Variants in POFUT3 observed in about 807,000 individuals in gnomAD.
The protein encoded by POFUT3 is protein O-fucosyltransferase 3.
the POFUT3 span, among the ~76,000 whole-genome samples, chr8:33,322,463 TG>T: frequency 1.6e-4 from 25 of 152,226 alleles, 1 homozygote; most frequent in African/African-American, 5.8e-4. Flanking sequence ...CTGCTGCTGC[TG>T]CTACAGGGAA....
At chr8:33,469,092 G>A in the POFUT3 span, among the ~76,000 whole-genome samples, 1 of 152,264 alleles carries the variant, frequency 6.6e-6, no homozygotes, top group East Asian at 1.9e-4. Flanking sequence ...GATTTCTTGA[G>A]GCCAGGAGTT....
chr8:33,436,549 G>T, the POFUT3 span: 1 of 960,496 alleles, frequency 1.0e-6, no homozygotes, highest in Non-Finnish European at 1.7e-6. Context: ...GTTGCGTATG[G>T]CATCTTCCTC....
chr8:33,324,009 T>G, the POFUT3 span, among the ~76,000 whole-genome samples: 2 of 152,172 alleles, frequency 1.3e-5, no homozygotes, highest in African/African-American at 4.8e-5. Context: ...GAATCAGGGC[T>G]GGGTGGTGGG....
chr8:33,449,939 T>TC, the POFUT3 span, among the ~76,000 whole-genome samples: 11 of 146,030 alleles, frequency 7.5e-5, no homozygotes, highest in East Asian at 2.0e-4. Context: ...GCTTTTCTTT[T>TC]TTTTTTTTTT....
chr8:33,461,715 TC>T, the POFUT3 span: 1 of 1,349,392 alleles, frequency 7.4e-7, no homozygotes, highest in Non-Finnish European at 9.7e-7. Context: ...TAAGAAGGAA[TC>T]AAAAAAATTC....
chr8:33,410,735 G>A, the POFUT3 span, among the ~76,000 whole-genome samples: 15 of 152,186 alleles, frequency 9.9e-5, no homozygotes, highest in Admixed American at 6.5e-4. Flanking sequence ...ATTATTTCCC[G>A]GTTGGGAAAT....
the POFUT3 span, among the ~76,000 whole-genome samples, chr8:33,362,468 G>A: frequency 1.3e-5 from 2 of 152,072 alleles, no homozygotes; most frequent in African/African-American, 2.4e-5. Context: ...AAAAGACACA[G>A]ACTGGCAAAT....
At chr8:33,455,039 T>C in the POFUT3 span, among the ~76,000 whole-genome samples, 1 of 152,114 alleles carries the variant, frequency 6.6e-6, no homozygotes, top group Non-Finnish European at 1.5e-5. Flanking sequence ...CTAGGGAAAA[T>C]GAGTTATAAA....
the POFUT3 span, among the ~76,000 whole-genome samples, chr8:33,415,384 G>A: frequency 6.6e-6 from 1 of 152,202 alleles, no homozygotes; most frequent in Non-Finnish European, 1.5e-5. Context: ...ACCCAGTGGA[G>A]AAGCTGCTTT....
At chr8:33,444,613 T>C in the POFUT3 span, among the ~76,000 whole-genome samples, 7 of 151,734 alleles carry the variant, frequency 4.6e-5, no homozygotes, top group Non-Finnish European at 1.0e-4. Flanking sequence ...AGGTCAGGAG[T>C]TTGAGACCAG....
chr8:33,434,891 C>T, the POFUT3 span, among the ~76,000 whole-genome samples: 2 of 152,196 alleles, frequency 1.3e-5, no homozygotes, highest in African/African-American at 4.8e-5. Context: ...TAACAAGAGG[C>T]TGGCTGGGCA....
chr8:33,464,382 C>G, the POFUT3 span, among the ~76,000 whole-genome samples: 1 of 152,172 alleles, frequency 6.6e-6, no homozygotes, highest in East Asian at 1.9e-4. Context: ...ATCCTCCCAA[C>G]AACTCCACTC....
the POFUT3 span, among the ~76,000 whole-genome samples, chr8:33,457,821 A>G: frequency 6.6e-6 from 1 of 152,194 alleles, no homozygotes; most frequent in East Asian, 1.9e-4. Context: ...CAGTTTATAC[A>G]AAATATAGTT....
the POFUT3 span, among the ~76,000 whole-genome samples, chr8:33,353,063 G>A: frequency 6.6e-6 from 1 of 152,208 alleles, no homozygotes; most frequent in Non-Finnish European, 1.5e-5. Flanking sequence ...TGTAAATCCT[G>A]TTGAACACAT....
chr8:33,379,949 A>C, the POFUT3 span, among the ~76,000 whole-genome samples: 1 of 109,212 alleles, frequency 9.2e-6, no homozygotes, highest in Admixed American at 1.1e-4. Context: ...TATATACCCT[A>C]TATATACTAT....
chr8:33,417,162 G>A, the POFUT3 span, among the ~76,000 whole-genome samples: 8 of 152,162 alleles, frequency 5.3e-5, no homozygotes, highest in East Asian at 1.9e-4. Flanking sequence ...TGTGAACTGC[G>A]CATGCAAGGG....
chr8:33,364,163 C>CA, the POFUT3 span, among the ~76,000 whole-genome samples: 1 of 151,598 alleles, frequency 6.6e-6, no homozygotes. Flanking sequence ...GAACCAACGA[C>CA]AAAAAACCAC....
the POFUT3 span, among the ~76,000 whole-genome samples, chr8:33,360,181 A>T: frequency 6.6e-6 from 1 of 152,108 alleles, no homozygotes; most frequent in Non-Finnish European, 1.5e-5. Context: ...GTGGTGGCTC[A>T]CACCTGTAAT....
the POFUT3 span, chr8:33,436,453 C>T: frequency 2.1e-6 from 3 of 1,435,816 alleles, no homozygotes; most frequent in Non-Finnish European, 2.9e-6. Context: ...ACTGATGTTG[C>T]CCACATGCAA....
Sources: allele counts gnomAD v4.1 joint callset (sites outside exome capture counted in the v4.1 genomes callset), GRCh38; gene constraint gnomAD v4.1.1; transcripts MANE v1.5; gene names NCBI Gene and HGNC (gene_info 2026-07-23, HGNC 2026-07-21).